Variants in PAMR1 observed in about 807,000 individuals in gnomAD.
PAMR1 encodes the protein inactive serine protease PAMR1.
In PAMR1, 88 loss-of-function variants were observed where a neutral mutation model predicts 81.8. The observed-to-expected ratio is 1.08, with a 90% CI of 0.91 to 1.28. The LOEUF is 1.28. PAMR1 is among the 50% of genes most tolerant of loss of function. The probability of loss-of-function intolerance (pLI) is 0.00; values close to 1 mark genes in which losing one functional copy is unlikely to be tolerated. For missense variants in PAMR1, 935 were observed against 919.7 expected, an observed-to-expected ratio of 1.02 and a Z score of -0.21; for synonymous variants, 336 against 345.3, an observed-to-expected ratio of 0.97 and a Z score of 0.30.
intron 3 of PAMR1, among the ~76,000 whole-genome samples, chr11:35,491,105 C>T (rs1850616404): frequency 6.6e-6 from 1 of 152,152 alleles, no homozygotes; most frequent in South Asian, 2.1e-4. Context: ...GCAACGAAGA[C>T]CAACACTTAA....
rs139122111 is a variant in PAMR1 at position 35,492,126 on chromosome 11, C to A, written c.298G>T (p.Gly100Trp). 26 of 1,614,002 alleles carry A rather than the reference C, an allele frequency of 1.6e-5. No homozygotes were observed. The highest frequency in any genetic ancestry group is 5.5e-5 in the South Asian group (5 of 91,070). The change falls in exon 3 of 11, where the codon GGG becomes TGG. Residue 100 changes from glycine to tryptophan, a missense_variant. Physicochemically the swap from Gly to Trp is radical, Grantham distance 184. Coordinates refer to ENST00000619888, the MANE Select transcript of PAMR1 (RefSeq NM_001001991.3). ...NCKSCRNGSW[G>W]GTLDDFYVKG... ...ACATAGAAGTCATCCAAGGTACCCC[C>A]CCATGAGCCATTTCGGCAGCTCTTG...
chr11:35,491,500 C>T (rs913341784), intron 3 of PAMR1, among the ~76,000 whole-genome samples: 3 of 152,210 alleles, frequency 2.0e-5, no homozygotes, highest in South Asian at 2.1e-4. Context: ...TTGGACTGAA[C>T]GAGAGATTAG....
chr11:35,478,922 C>T (rs570977534), intron 3 of PAMR1, among the ~76,000 whole-genome samples: 1 of 152,204 alleles, frequency 6.6e-6, no homozygotes, highest in East Asian at 1.9e-4. Flanking sequence ...AAATCCTGGC[C>T]TCATTGCCGA....
chr11:35,502,241 AAATTTAATT>A (rs1302747158), intron 1 of PAMR1, among the ~76,000 whole-genome samples: 2 of 151,914 alleles, frequency 1.3e-5, no homozygotes, highest in African/African-American at 4.8e-5. Context: ...GCCCATTTTT[AAATTTAATT>A]AATTAATTAA....
intron 6 of PAMR1, among the ~76,000 whole-genome samples, chr11:35,458,373 AC>A (rs1465952024): frequency 2.0e-5 from 3 of 152,198 alleles, no homozygotes; most frequent in African/African-American, 7.2e-5. Flanking sequence ...AATTATTTGT[AC>A]CCTGCTTGCT....
chr11:35,497,388 A>G (rs1180981013), intron 1 of PAMR1, among the ~76,000 whole-genome samples: 1 of 152,226 alleles, frequency 6.6e-6, no homozygotes, highest in East Asian at 1.9e-4. Context: ...TCATAGAGAC[A>G]GAAAGTAGAT....
rs1021642268 is a variant in PAMR1 at position 35,432,123 on chromosome 11, C to T, written c.*233G>A. On this transcript the variant is annotated 3_prime_UTR_variant, in exon 11 of 11. Coordinates refer to ENST00000619888, the MANE Select transcript of PAMR1 (RefSeq NM_001001991.3). Reference sequence around the variant, plus strand: ...ATATGGTCTTCTTTGAAGAAACTTACTTCTTGCAAGCCCTGGCATCTTCCA... The same window carrying T: ...ATATGGTCTTCTTTGAAGAAACTTATTTCTTGCAAGCCCTGGCATCTTCCA... 8 of 548,910 alleles carry T rather than the reference C, an allele frequency of 1.5e-5. No homozygotes were observed. In the African/African-American group the frequency reaches 1.5e-4, roughly 10 times the overall value. 34.0% of individuals were successfully genotyped at this position (548,910 alleles called of 1,614,324 possible).
chr11:35,433,728 A>G (rs1855961719), intron 10 of PAMR1, among the ~76,000 whole-genome samples: 1 of 74,840 alleles, frequency 1.3e-5, no homozygotes, highest in Non-Finnish European at 3.1e-5. Context: ...AGATGGAGAG[A>G]TGGATGGATG....
intron 1 of PAMR1, among the ~76,000 whole-genome samples, chr11:35,516,609 G>A (rs766373928): frequency 7.2e-5 from 11 of 152,152 alleles, no homozygotes; most frequent in South Asian, 2.1e-4. Context: ...AATATTTAGC[G>A]AAGGCAGGAA....
intron 6 of PAMR1, among the ~76,000 whole-genome samples, chr11:35,462,518 G>A (rs1390338749): frequency 1.3e-5 from 2 of 152,172 alleles, no homozygotes; most frequent in African/African-American, 4.8e-5. Flanking sequence ...TGAAATCCTA[G>A]GACTTTGAGA....
upstream of PAMR1, among the ~76,000 whole-genome samples, chr11:35,526,430 A>G (rs1184108304): frequency 6.6e-6 from 1 of 152,230 alleles, no homozygotes; most frequent in Non-Finnish European, 1.5e-5. Flanking sequence ...CAGTTTAGGT[A>G]CAAGATAGCA....
At chr11:35,497,916 A>G (rs1291004624) in intron 1 of PAMR1, among the ~76,000 whole-genome samples, 1 of 152,148 alleles carries the variant, frequency 6.6e-6, no homozygotes, top group Non-Finnish European at 1.5e-5. Flanking sequence ...TCAAAGGCTG[A>G]GAGAATGAAG....
intron 1 of PAMR1, among the ~76,000 whole-genome samples, chr11:35,524,845 T>G (rs1851355232): frequency 6.6e-6 from 1 of 152,194 alleles, no homozygotes; most frequent in Non-Finnish European, 1.5e-5. Flanking sequence ...TAGAAAATGA[T>G]ATATGAAAAC....
chr11:35,462,583 T>C (rs1339293751), intron 6 of PAMR1, among the ~76,000 whole-genome samples: 1 of 152,206 alleles, frequency 6.6e-6, no homozygotes. Flanking sequence ...CCCTAGTCCC[T>C]TATCCAGGGA....
At chr11:35,446,725 T>C (rs1487189364) in intron 6 of PAMR1, among the ~76,000 whole-genome samples, 1 of 152,220 alleles carries the variant, frequency 6.6e-6, no homozygotes, top group Non-Finnish European at 1.5e-5. Flanking sequence ...TCAGTCCTTT[T>C]GCATTTGCTG....
At chr11:35,484,788 T>C (rs942728497) in intron 3 of PAMR1, among the ~76,000 whole-genome samples, 2 of 152,196 alleles carry the variant, frequency 1.3e-5, no homozygotes, top group African/African-American at 4.8e-5. Context: ...ATCACTGCCA[T>C]GCCAGCTAGA....
chr11:35,477,868 C>A (rs777551040), intron 3 of PAMR1, among the ~76,000 whole-genome samples: 5 of 152,144 alleles, frequency 3.3e-5, no homozygotes, highest in Non-Finnish European at 7.4e-5. Flanking sequence ...TGCCCGCTCC[C>A]TTTTTGAAAT....
chr11:35,521,263 T>C (rs113265849), intron 1 of PAMR1, among the ~76,000 whole-genome samples: 175 of 152,314 alleles, frequency 1.1e-3, no homozygotes, highest in African/African-American at 4.0e-3. Flanking sequence ...GATAAAAGTC[T>C]GATGTACCAG....
chr11:35,454,896 T>A (rs1388603558), intron 6 of PAMR1, among the ~76,000 whole-genome samples: 1 of 152,214 alleles, frequency 6.6e-6, no homozygotes, highest in African/African-American at 2.4e-5. Context: ...TTAGGTAGTC[T>A]AAGACATTGG....
Sources: allele counts gnomAD v4.1 joint callset (sites outside exome capture counted in the v4.1 genomes callset), GRCh38; gene constraint gnomAD v4.1.1; transcripts MANE v1.5; gene names NCBI Gene and HGNC (gene_info 2026-07-23, HGNC 2026-07-21).